PPP1R12B: variants seen among roughly 807,000 people sequenced by gnomAD.
PPP1R12B encodes the protein protein phosphatase 1 regulatory subunit 12B.
A neutral mutation model predicts 126.1 loss-of-function variants in PPP1R12B; 76 were observed. The ratio of observed to expected loss-of-function variants is 0.60; its 90% confidence interval spans 0.50 to 0.73. The LOEUF is 0.73. PPP1R12B is among the 30% of genes least tolerant of loss of function. PPP1R12B has a pLI of 0.00. For synonymous variants in PPP1R12B, 356 were observed against 434.7 expected (o/e 0.82, Z 2.25); for missense variants, 1,052 against 1,205.1 (o/e 0.87, Z 1.88).
At chr1:202,481,833 T>C (rs993422311) in intron 13 of PPP1R12B, among the ~76,000 whole-genome samples, 1 of 152,172 alleles carries the variant, frequency 6.6e-6, no homozygotes, top group Non-Finnish European at 1.5e-5. Context: ...ATTCCCCCTG[T>C]CTAATTATAA....
rs192664643 is a variant in PPP1R12B at position 202,534,056 on chromosome 1, C to A, written c.2491-24821C>A. On this transcript the variant is annotated intron_variant, in intron 18 of 23. Transcript: ENST00000608999. ...TTATTAGTAGGCATTCTATTGTAAG[C>A]AAGAAGCTTTTCTCCTCCTATTTAT... is the stretch of plus-strand genomic sequence containing the variant. Among the ~76,000 whole-genome samples, 4 of 152,304 alleles carry A rather than the reference C, an allele frequency of 2.6e-5. No individual in the cohort carries two copies. The East Asian group carries it at 7.7e-4, about 29-fold the overall frequency.
At chr1:202,421,329 T>C (rs914087032) in intron 2 of PPP1R12B, among the ~76,000 whole-genome samples, 4 of 148,710 alleles carry the variant, frequency 2.7e-5, no homozygotes. Context: ...TTAAATCTCC[T>C]ACAGTGTCTA....
intron 13 of PPP1R12B, among the ~76,000 whole-genome samples, chr1:202,474,957 A>G (rs1461903877): frequency 6.6e-6 from 1 of 152,192 alleles, no homozygotes; most frequent in Non-Finnish European, 1.5e-5. Flanking sequence ...TAGTGAGGAG[A>G]CTTAGAGGCC....
intron 1 of PPP1R12B, among the ~76,000 whole-genome samples, chr1:202,412,656 T>C (rs1667551391): frequency 6.6e-6 from 1 of 152,206 alleles, no homozygotes; most frequent in African/African-American, 2.4e-5. Context: ...CCTACACAGG[T>C]TTAGACGGCA....
chr1:202,589,039 A>G lies in PPP1R12B; in HGVS notation c.*8479A>G, dbSNP rs1316150623. On this transcript the variant is annotated 3_prime_UTR_variant, in exon 24 of 24. Coordinates refer to ENST00000608999, the MANE Select transcript of PPP1R12B (RefSeq NM_002481.4). ...GTGGTGATTTCCTTGGGCTCATGGA[A>G]GTCTCCTGCCATCACCCTTAGTCAT... 6.6e-6 allele frequency: 1 copy of G among 152,176 alleles called. No individual in the cohort carries two copies. Among genetic ancestry groups the G allele is most frequent in the East Asian group, 1.9e-4 (1 of 5,198 alleles). The allele number at this position is 152,176 out of a possible 1,614,324, so 9.4% of individuals were successfully genotyped here. A position where few individuals can be genotyped will look rare whatever the true frequency, so the allele number is the denominator to read the frequency against.
intron 18 of PPP1R12B, among the ~76,000 whole-genome samples, chr1:202,500,218 G>GCTCTCTCT (rs151303629): frequency 1.7e-3 from 245 of 146,252 alleles, no homozygotes; most frequent in African/African-American, 3.7e-3. Context: ...TCTCTCTCTT[G>GCTCTCTCT]CTCTCTCTCT....
At chr1:202,369,864 T>C in intron 1 of PPP1R12B, 1 of 156,140 alleles carries the variant, frequency 6.4e-6, no homozygotes, top group Admixed American at 6.5e-5. Context: ...GGCACGATCT[T>C]GGCTCACTGC....
chr1:202,525,671 G>A (rs187406459), intron 18 of PPP1R12B, among the ~76,000 whole-genome samples: 1 of 151,006 alleles, frequency 6.6e-6, no homozygotes, highest in African/African-American at 2.4e-5. Flanking sequence ...AAATGGAGTG[G>A]CAGCTTTTGG....
intron 1 of PPP1R12B, among the ~76,000 whole-genome samples, chr1:202,381,316 C>G (rs2148488791): frequency 6.6e-6 from 1 of 151,628 alleles, no homozygotes; most frequent in East Asian, 1.9e-4. Flanking sequence ...AAAAAAGGAC[C>G]TTTTGGTTTG....
intron 1 of PPP1R12B, among the ~76,000 whole-genome samples, chr1:202,371,326 C>T (rs1660219049): frequency 6.6e-6 from 1 of 151,714 alleles, no homozygotes; most frequent in Non-Finnish European, 1.5e-5. Context: ...CAGCCTACAT[C>T]TTTGTTGATA....
At position 202,554,661 on chromosome 1, in the gene PPP1R12B, A is replaced by C. The variant is rs545311105; in HGVS notation, c.2491-4216A>C. Among the ~76,000 whole-genome samples, 4 of 152,204 alleles carry C rather than the reference A, an allele frequency of 2.6e-5. No homozygotes were observed. The South Asian group carries it at 6.2e-4, about 24-fold the overall frequency. The stretch of plus-strand genomic sequence containing the variant: ...AAGCTCTATTTTCTCTAATATCTGG[A>C]TCTAGGAAAATTGTCTACCGCCTTG... On this transcript the variant is annotated intron_variant, in intron 18 of 23. Transcript: ENST00000608999.
chr1:202,480,417 A>C (rs2148817389), intron 13 of PPP1R12B, among the ~76,000 whole-genome samples: 1 of 152,354 alleles, frequency 6.6e-6, no homozygotes, highest in Non-Finnish European at 1.5e-5. Context: ...TTGGAGTCCC[A>C]AGAGAAGACA....
rs141366939 is a variant in PPP1R12B, at chr1:202,566,136, G to A, written c.2757+1589G>A. Among the ~76,000 whole-genome samples the A allele has an allele frequency of 2.4e-3, 373 of 152,360 alleles. 3 individuals carry two copies. The highest frequency in any genetic ancestry group is 8.7e-3 in the African/African-American group (361 of 41,580). ...TCAGCGGAAGCTTCTGACAGCATAT[G>A]TCTTGACCTTTAGGGGTTCTCAGCA... On this transcript the variant is annotated intron_variant, in intron 21 of 23. Transcript: ENST00000608999.
At chr1:202,471,171 A>G (rs1277504036) in intron 13 of PPP1R12B, among the ~76,000 whole-genome samples, 1 of 152,080 alleles carries the variant, frequency 6.6e-6, no homozygotes, top group Non-Finnish European at 1.5e-5. Context: ...ATTCTTTCAC[A>G]TGTTTTAATA....
intron 2 of PPP1R12B, chr1:202,417,226 C>T (rs1337057046): frequency 8.1e-6 from 8 of 985,034 alleles, no homozygotes; most frequent in Non-Finnish European, 9.6e-6. Flanking sequence ...TAGCTGGGCA[C>T]GTATACAGGC....
intron 13 of PPP1R12B, among the ~76,000 whole-genome samples, chr1:202,454,465 C>T (rs1204384826): frequency 6.6e-6 from 1 of 152,188 alleles, no homozygotes; most frequent in Admixed American, 6.5e-5. Context: ...TACCTGTTGC[C>T]AGGTGCTATG....
chr1:202,555,325 G>GAAAAAAAA (rs56752885), intron 18 of PPP1R12B, among the ~76,000 whole-genome samples: 828 of 25,372 alleles, frequency 0.033, 235 homozygotes, highest in Admixed American at 0.051. Flanking sequence ...CTGTTTTAAT[G>GAAAAAAAA]AAAAAAAAAA....
At position 202,464,293 on chromosome 1, in the gene PPP1R12B, G is replaced by T. The variant is rs1328134952; in HGVS notation, c.1850+15122G>T. 7.2e-5 allele frequency among the ~76,000 whole-genome samples: 11 copies of T among 152,138 alleles called. No individual in the cohort carries two copies. The South Asian group carries it at 1.2e-3, about 17-fold the overall frequency. On this transcript the variant is annotated intron_variant, in intron 13 of 23. Transcript: ENST00000608999. ...AGAGCCTAATACATAGTAGATGATG[G>T]GTAAATGTTTATTGAATAAAATTAT...
chr1:202,532,860 C>CTTTTT (rs375983770), intron 18 of PPP1R12B, among the ~76,000 whole-genome samples: 5 of 93,814 alleles, frequency 5.3e-5, no homozygotes, highest in Admixed American at 1.2e-4. Context: ...ATCACATTCA[C>CTTTTT]TTTTTTTTTT....
Sources: allele counts gnomAD v4.1 joint callset (sites outside exome capture counted in the v4.1 genomes callset), GRCh38; gene constraint gnomAD v4.1.1; transcripts MANE v1.5; gene names NCBI Gene and HGNC (gene_info 2026-07-23, HGNC 2026-07-21).